Variants in RER1 observed in about 807,000 individuals in gnomAD.
RER1 encodes protein RER1.
A neutral mutation model predicts 28.3 loss-of-function variants in RER1; 6 were observed. That is an observed-to-expected ratio of 0.21 (90% CI 0.12 to 0.42). RER1 has a LOEUF of 0.42. Among genes scored for constraint, RER1 ranks in the 10% least tolerant of loss-of-function variants. The probability of loss-of-function intolerance (pLI) is 1.00; values close to 1 mark genes in which losing one functional copy is unlikely to be tolerated. For missense variants in RER1, 159 were observed against 252.9 expected (o/e 0.63, Z 2.52); for synonymous variants, 110 against 95.9 (o/e 1.15, Z -0.86).
chr1:2,396,019 A>G, intron 2 of RER1, 148 bp downstream of exon 2: 1 of 681,826 alleles, frequency 1.5e-6, no homozygotes, highest in East Asian at 2.7e-5. Flanking sequence ...CGTTCTCTTC[A>G]CTGTGAAGGG....
chr1:2,395,377 G>GTAGAT, intron 1 of RER1: 1 of 242,456 alleles, frequency 4.1e-6, no homozygotes, highest in Non-Finnish European at 8.3e-6. Context: ...CAGACAAGGT[G>GTAGAT]CCTGGGCGGG....
chr1:2,397,483 C>T (rs1451747391), intron 3 of RER1, among the ~76,000 whole-genome samples: 1 of 152,200 alleles, frequency 6.6e-6, no homozygotes, highest in African/African-American at 2.4e-5. Flanking sequence ...TGGGCACGTC[C>T]AGGCCTGGAC....
chr1:2,397,998 G>T (rs558185195), intron 3 of RER1, among the ~76,000 whole-genome samples: 1 of 152,234 alleles, frequency 6.6e-6, no homozygotes, highest in Admixed American at 6.5e-5. Context: ...ATTTATTTTT[G>T]TTTTTAAATT....
chr1:2,394,102 C>T (rs1474043693), intron 1 of RER1: 2 of 152,204 alleles, frequency 1.3e-5, no homozygotes, highest in African/African-American at 2.4e-5. Context: ...TGGCTTTGGC[C>T]TAAATAGGGT....
rs937881970 is a variant in RER1, at chr1:2,404,649, CTAAG to C, written c.*1531_*1534del. 2.0e-5 allele frequency: 3 copies of C among 152,232 alleles called. No individual in the cohort carries two copies. The highest frequency in any genetic ancestry group is 7.2e-5 in the African/African-American group (3 of 41,446). The allele number at this position is 152,232 out of a possible 1,614,324, so 9.4% of individuals were successfully genotyped here. A position where few individuals can be genotyped will look rare whatever the true frequency, so the allele number is the denominator to read the frequency against. ...CAGGAATACAGGGTCATCCTCATTC[CTAAG>C]TAAGTCAAACAGCAAGACATGGTTT... is the stretch of plus-strand genomic sequence containing the variant. On this transcript the variant is annotated 3_prime_UTR_variant, in exon 7 of 7. Transcript: ENST00000605895.
At chr1:2,401,227 C>CCCTCCTCCTCCCTCCTTCCTCCCT (rs1553230131) in intron 5 of RER1, among the ~76,000 whole-genome samples, 1 of 75,060 alleles carries the variant, frequency 1.3e-5, no homozygotes, top group Admixed American at 1.3e-4. Flanking sequence ...CCCTCCTCCT[C>CCCTCCTCCTCCCTCCTTCCTCCCT]CCTTCCTCCC....
chr1:2,395,633 T>G, intron 1 of RER1, 151 bp from the exon 2 acceptor site: 6 of 650,220 alleles, frequency 9.2e-6, no homozygotes, highest in Non-Finnish European at 1.7e-5. Context: ...TGCTACTTTT[T>G]CCCGAACAAT....
rs1642937565 is a variant in RER1, at chr1:2,404,651, A to G, written c.*1527A>G. On this transcript the variant is annotated 3_prime_UTR_variant, in exon 7 of 7. Coordinates refer to ENST00000605895, the MANE Select transcript of RER1 (RefSeq NM_007033.5). ...GGAATACAGGGTCATCCTCATTCCT[A>G]AGTAAGTCAAACAGCAAGACATGGT... The G allele has an allele frequency of 6.6e-6, 1 of 152,212 alleles. No homozygotes were observed. Among genetic ancestry groups the G allele is most frequent in the African/African-American group, 2.4e-5 (1 of 41,438 alleles). The allele number at this position is 152,212 out of a possible 1,614,324, so 9.4% of individuals were successfully genotyped here. A position where few individuals can be genotyped will look rare whatever the true frequency, so the allele number is the denominator to read the frequency against.
chr1:2,399,483 C>T lies in RER1; in HGVS notation c.255C>T (p.Pro85=). 4.3e-6 allele frequency: 7 copies of T among 1,612,488 alleles called. No individual in the cohort carries two copies. The highest frequency in any genetic ancestry group is 5.9e-6 in the Non-Finnish European group (7 of 1,178,512). The change falls in exon 4 of 7, where the codon CCC becomes CCT. Residue 85 remains proline, a synonymous_variant. Coordinates refer to ENST00000605895, the MANE Select transcript of RER1 (RefSeq NM_007033.5). The stretch of plus-strand genomic sequence containing the variant: ...ATCTTTTCATAGCTTTTCTTTCTCC[C>T]AAAGTGGATCCTTCCTTAATGGAAG... ...HLNLFIAFLS[P]KVDPSLMEDS...
chr1:2,396,688 T>C (rs1167845260), intron 2 of RER1, among the ~76,000 whole-genome samples: 1 of 152,220 alleles, frequency 6.6e-6, no homozygotes, highest in African/African-American at 2.4e-5. Flanking sequence ...CTGTGGCCAG[T>C]GGGCCTGGGA....
At chr1:2,397,279 TTG>T in intron 3 of RER1, 59 bp downstream of exon 3, 1 of 1,089,642 alleles carries the variant, frequency 9.2e-7, no homozygotes, top group Non-Finnish European at 1.4e-6. Context: ...GGCGTGATGT[TTG>T]TGGGGATGTT....
intron 2 of RER1, among the ~76,000 whole-genome samples, chr1:2,396,866 T>C (rs1642775458): frequency 6.6e-6 from 1 of 152,248 alleles, no homozygotes; most frequent in Admixed American, 6.5e-5. Flanking sequence ...TGTCACAGTC[T>C]CCTAGGAGAT....
intron 3 of RER1, among the ~76,000 whole-genome samples, chr1:2,397,765 G>A (rs1053170266): frequency 3.3e-5 from 5 of 152,202 alleles, no homozygotes; most frequent in Non-Finnish European, 5.9e-5. Context: ...CCTAGGTCAG[G>A]TGATGTCGTC....
chr1:2,393,896 C>T (rs889605442), intron 1 of RER1: 5 of 152,204 alleles, frequency 3.3e-5, no homozygotes, highest in Non-Finnish European at 5.9e-5. Flanking sequence ...TCTACATGTT[C>T]AGTTGGAGAG....
intron 4 of RER1, among the ~76,000 whole-genome samples, chr1:2,399,985 G>A (rs562668535): frequency 2.0e-5 from 3 of 152,290 alleles, no homozygotes; most frequent in African/African-American, 7.2e-5. Flanking sequence ...GGCTTTGGGC[G>A]GCCTTCTCTG....
rs1642678619 is a variant in RER1, at chr1:2,391,877, C to A, written c.-89C>A. The A allele has an allele frequency of 3.9e-6, 1 of 256,604 alleles. No individual in the cohort carries two copies. Among genetic ancestry groups the A allele is most frequent in the Non-Finnish European group, 7.3e-6 (1 of 136,444 alleles). The allele number at this position is 256,604 out of a possible 1,614,324, so 15.9% of individuals were successfully genotyped here. A position where few individuals can be genotyped will look rare whatever the true frequency, so the allele number is the denominator to read the frequency against. ...GCAGCTTCCCGGAGCCGGAGCGCAG[C>A]GCCTGCGGCCGCCCGTGCCCCGCCG... On this transcript the variant is annotated 5_prime_UTR_variant, in exon 1 of 7. Transcript: ENST00000605895.
intron 2 of RER1, chr1:2,396,483 G>T (rs1005579329): frequency 2.0e-5 from 3 of 152,624 alleles, no homozygotes; most frequent in African/African-American, 7.2e-5. Flanking sequence ...ACAGGCATAT[G>T]TAAGCTTCTA....
chr1:2,403,448 A>T lies in RER1; in HGVS notation c.*324A>T, dbSNP rs1290242144. The T allele has an allele frequency of 3.0e-6, 1 of 338,436 alleles. No individual in the cohort carries two copies. The highest frequency in any genetic ancestry group is 4.5e-5 in the Admixed American group (1 of 22,206). 21.0% of individuals were successfully genotyped at this position (338,436 alleles called of 1,614,324 possible). A position where few individuals can be genotyped will look rare whatever the true frequency, so the allele number is the denominator to read the frequency against. On this transcript the variant is annotated 3_prime_UTR_variant, in exon 7 of 7. Transcript: ENST00000605895. ...CCGCTGTGCCAGGTGGGCAGGCAGGAGCAAGGCCTGCGAGGGAGGAACGGG... is the reference window on the plus strand; with the variant it reads ...CCGCTGTGCCAGGTGGGCAGGCAGGTGCAAGGCCTGCGAGGGAGGAACGGG...
rs557047107 is a variant in RER1, at chr1:2,401,699, C to T, written c.366-508C>T. Among the ~76,000 whole-genome samples, 47 of 152,216 alleles carry T rather than the reference C, an allele frequency of 3.1e-4. No individual in the cohort carries two copies. The South Asian group carries it at 3.3e-3, about 11-fold the overall frequency. ...GGGCTCCACGCCTTGACTTTGCAGC[C>T]GCAGATGGAGTGTGGTACAGAAAGA... On this transcript the variant is annotated intron_variant, in intron 5 of 6. Transcript: ENST00000605895.
Sources: gnomAD v4.1 joint callset for allele counts (sites outside exome capture counted in the v4.1 genomes callset) on GRCh38, gnomAD v4.1.1 for gene constraint, MANE v1.5 for transcripts, NCBI Gene and HGNC (gene_info 2026-07-23, HGNC 2026-07-21) for gene names.